Variants in MACROD2 observed in about 807,000 individuals in gnomAD.
The protein encoded by MACROD2 is ADP-ribose glycohydrolase MACROD2.
MACROD2 carries 36 observed loss-of-function variants against 70.4 expected under a neutral mutation model. The ratio of observed to expected loss-of-function variants is 0.51; its 90% CI spans 0.39 to 0.68. The LOEUF (loss-of-function observed/expected upper bound fraction) is 0.68, where lower values mean the gene tolerates loss of function less well. MACROD2 is among the 30% of genes least tolerant of loss of function. The pLI, the probability that MACROD2 is intolerant of heterozygous loss-of-function variation, is 0.00. For synonymous variants in MACROD2, 172 were observed against 178.8 expected, an observed-to-expected ratio of 0.96 and a Z score of 0.30; for missense variants, 496 against 538.4, an observed-to-expected ratio of 0.92 and a Z score of 0.78.
intron 3 of MACROD2, among the ~76,000 whole-genome samples, chr20:14,448,994 A>G (rs1343294000): frequency 6.6e-6 from 1 of 152,148 alleles, no homozygotes; most frequent in East Asian, 1.9e-4. Flanking sequence ...AATTAAGTCT[A>G]CCACTTAGAG....
chr20:13,996,336 C>G (rs752681953), intron 1 of MACROD2: 1 of 163,640 alleles, frequency 6.1e-6, no homozygotes, highest in African/African-American at 2.4e-5. Flanking sequence ...GTGTTTACCC[C>G]TTGTCTAGGT....
intron 8 of MACROD2, among the ~76,000 whole-genome samples, chr20:15,841,850 C>T (rs1034290569): frequency 2.0e-5 from 3 of 152,048 alleles, no homozygotes; most frequent in African/African-American, 7.2e-5. Flanking sequence ...TAGATATCCA[C>T]CCCTGGAAAA....
chr20:14,320,454 A>T (rs6105247), intron 3 of MACROD2, among the ~76,000 whole-genome samples: 41,697 of 151,866 alleles, frequency 0.27, 5,965 homozygotes, highest in African/African-American at 0.34. Context: ...AAGTGCACTG[A>T]TCATTTATAT....
At chr20:14,584,670 C>T (rs920046787) in intron 4 of MACROD2, among the ~76,000 whole-genome samples, 6 of 152,150 alleles carry the variant, frequency 3.9e-5, no homozygotes, top group Admixed American at 2.0e-4. Context: ...TGGGGGGACA[C>T]ATTCAGTCCA....
intron 5 of MACROD2, among the ~76,000 whole-genome samples, chr20:15,081,105 C>G (rs1312722903): frequency 3.3e-5 from 5 of 152,132 alleles, no homozygotes; most frequent in Non-Finnish European, 7.4e-5. Context: ...GACTATGACC[C>G]ATCAGCCAAA....
chr20:14,160,444 C>A (rs1273774398), intron 3 of MACROD2, among the ~76,000 whole-genome samples: 1 of 152,132 alleles, frequency 6.6e-6, no homozygotes, highest in Non-Finnish European at 1.5e-5. Context: ...CTCATTCAAT[C>A]CAGGTAGGTT....
chr20:14,190,563 A>T (rs2081376177), intron 3 of MACROD2, among the ~76,000 whole-genome samples: 1 of 150,244 alleles, frequency 6.7e-6, no homozygotes. Context: ...TTGCTGAAAA[A>T]TATGGGTTTG....
At chr20:15,060,278 A>G (rs570332594) in intron 5 of MACROD2, among the ~76,000 whole-genome samples, 1 of 152,338 alleles carries the variant, frequency 6.6e-6, no homozygotes, top group African/African-American at 2.4e-5. Flanking sequence ...GTGAAGCAGC[A>G]ACCATTCCTC....
chr20:14,391,162 T>TA (rs1244360588), intron 3 of MACROD2, among the ~76,000 whole-genome samples: 1 of 152,156 alleles, frequency 6.6e-6, no homozygotes, highest in Non-Finnish European at 1.5e-5. Flanking sequence ...GTTATAAAGA[T>TA]ACATGCACAT....
intron 5 of MACROD2, among the ~76,000 whole-genome samples, chr20:15,019,921 TA>T (rs2075151487): frequency 6.6e-6 from 1 of 152,180 alleles, no homozygotes; most frequent in Non-Finnish European, 1.5e-5. Flanking sequence ...ATTGAATACT[TA>T]AAATATTAAC....
intron 3 of MACROD2, among the ~76,000 whole-genome samples, chr20:14,212,063 C>T (rs1467026726): frequency 6.6e-6 from 1 of 152,084 alleles, no homozygotes; most frequent in Non-Finnish European, 1.5e-5. Flanking sequence ...CATGCAGAGG[C>T]ACAAACATAC....
chr20:14,240,365 T>C (rs2081918068), intron 3 of MACROD2, among the ~76,000 whole-genome samples: 1 of 152,138 alleles, frequency 6.6e-6, no homozygotes, highest in Non-Finnish European at 1.5e-5. Context: ...AAATAAATCA[T>C]TATGCAAAAA....
intron 15 of MACROD2, among the ~76,000 whole-genome samples, chr20:16,028,240 A>C (rs563203225): frequency 2.0e-5 from 3 of 152,336 alleles, no homozygotes; most frequent in African/African-American, 7.2e-5. Context: ...TGCTTGGTTC[A>C]TATGACAGTG....
At chr20:14,926,526 G>A (rs2074234292) in intron 5 of MACROD2, among the ~76,000 whole-genome samples, 1 of 151,032 alleles carries the variant, frequency 6.6e-6, no homozygotes, top group Non-Finnish European at 1.5e-5. Context: ...CTCCAGCCTG[G>A]TGACAGAGCA....
At chr20:15,036,885 GATAATTATGAA>G (rs1246018311) in intron 5 of MACROD2, among the ~76,000 whole-genome samples, 2 of 151,388 alleles carry the variant, frequency 1.3e-5, no homozygotes, top group Non-Finnish European at 2.9e-5. Context: ...TAATTATAAA[GATAATTATGAA>G]ATAATTATGA....
intron 8 of MACROD2, among the ~76,000 whole-genome samples, chr20:15,799,480 C>G (rs2063704357): frequency 6.6e-6 from 1 of 152,190 alleles, no homozygotes; most frequent in East Asian, 1.9e-4. Context: ...TGGGAACCAT[C>G]ATTCTATCCC....
At chr20:15,424,553 A>G (rs999801903) in intron 6 of MACROD2, among the ~76,000 whole-genome samples, 3 of 152,140 alleles carry the variant, frequency 2.0e-5, no homozygotes, top group African/African-American at 7.2e-5. Flanking sequence ...CCTCGTCTCT[A>G]CAAAAAATAA....
At chr20:14,052,674 C>A (rs781418659) in intron 2 of MACROD2, among the ~76,000 whole-genome samples, 1 of 152,118 alleles carries the variant, frequency 6.6e-6, no homozygotes, top group Non-Finnish European at 1.5e-5. Context: ...TCTAGCCTCA[C>A]TGCAGCTTAA....
At chr20:15,555,194 G>A (rs1156592607) in intron 8 of MACROD2, among the ~76,000 whole-genome samples, 1 of 152,098 alleles carries the variant, frequency 6.6e-6, no homozygotes, top group Non-Finnish European at 1.5e-5. Context: ...TTACACAAGA[G>A]CCAACTGCAG....
Sources: allele counts gnomAD v4.1 joint callset (sites outside exome capture counted in the v4.1 genomes callset), GRCh38; gene constraint gnomAD v4.1.1; transcripts MANE v1.5; gene names NCBI Gene and HGNC (gene_info 2026-07-23, HGNC 2026-07-21).